Variants in ANKRD36C observed in about 807,000 individuals in gnomAD.
ANKRD36C encodes ankyrin repeat domain 36C, also known as ankyrin repeat domain-containing protein 36C.
In ANKRD36C, 61 loss-of-function variants were observed where a neutral mutation model predicts 276.4. The observed-to-expected ratio is 0.22, with a 90% confidence interval of 0.18 to 0.27. ANKRD36C has a LOEUF of 0.27. Among genes scored for constraint, ANKRD36C ranks in the 10% least tolerant of loss-of-function variants. The pLI is 1.00. For synonymous variants in ANKRD36C, 483 were observed against 680.1 expected (o/e 0.71, Z 4.51); for missense variants, 1,447 against 2,032.3 (o/e 0.71, Z 5.54).
intron 42 of ANKRD36C, 43 bp downstream of exon 53, chr2:95,903,010 C>A: frequency 6.4e-7 from 1 of 1,571,484 alleles, no homozygotes; most frequent in Admixed American, 1.8e-5. Flanking sequence ...GCTTCATAGA[C>A]TATACATTTA....
At chr2:95,872,243 C>G (rs1329071739) in intron 59 of ANKRD36C, among the ~76,000 whole-genome samples, 3 of 137,276 alleles carry the variant, frequency 2.2e-5, no homozygotes, top group East Asian at 5.0e-4. Flanking sequence ...CACACCTATT[C>G]CAAAATTGAC....
chr2:95,870,516 C>T (rs1298296294), intron 59 of ANKRD36C, among the ~76,000 whole-genome samples: 1 of 152,142 alleles, frequency 6.6e-6, no homozygotes, highest in African/African-American at 2.4e-5. Context: ...CCCATCTGTA[C>T]ATCACCATCA....
intron 13 of ANKRD36C, among the ~76,000 whole-genome samples, chr2:95,954,236 A>C (rs1457395656): frequency 1.3e-5 from 2 of 152,218 alleles, no homozygotes; most frequent in African/African-American, 4.8e-5. Context: ...AACCTATGAA[A>C]TATCCAATGC....
At chr2:95,954,332 CATA>C (rs574706368) in intron 13 of ANKRD36C, among the ~76,000 whole-genome samples, 119 of 152,136 alleles carry the variant, frequency 7.8e-4, no homozygotes, top group African/African-American at 2.7e-3. Context: ...AATTATCTAC[CATA>C]AAGGCTAAAC....
chr2:95,886,644 C>T (rs955615190), intron 50 of ANKRD36C, among the ~76,000 whole-genome samples: 2 of 151,666 alleles, frequency 1.3e-5, no homozygotes, highest in Admixed American at 6.6e-5. Flanking sequence ...ATGATTAAAC[C>T]ATTATACTGC....
intron 44 of ANKRD36C, among the ~76,000 whole-genome samples, chr2:95,892,505 T>C (rs560506813): frequency 1.8e-4 from 27 of 151,666 alleles, no homozygotes; most frequent in African/African-American, 6.3e-4. Context: ...CGAAAGTTTC[T>C]TCATCCAGTC....
At chr2:95,859,093 G>C (rs1439708306) in intron 61 of ANKRD36C, among the ~76,000 whole-genome samples, 1 of 151,658 alleles carries the variant, frequency 6.6e-6, no homozygotes. Flanking sequence ...GAGTGCACTG[G>C]TGCAATCTCT....
intron 34 of ANKRD36C, among the ~76,000 whole-genome samples, chr2:95,918,850 T>C (rs1677189200): frequency 1.3e-5 from 2 of 149,622 alleles, no homozygotes; most frequent in South Asian, 2.1e-4. Context: ...ATGACCATTT[T>C]AGGAGTTAAT....
chr2:95,945,716 A>G (rs1010684072), intron 17 of ANKRD36C, among the ~76,000 whole-genome samples: 2 of 152,280 alleles, frequency 1.3e-5, no homozygotes, highest in African/African-American at 4.8e-5. Context: ...AGACAGAACA[A>G]AGCAACCATC....
At chr2:95,928,189 AT>A (rs906111281) in intron 26 of ANKRD36C, among the ~76,000 whole-genome samples, 31 of 151,800 alleles carry the variant, frequency 2.0e-4, no homozygotes, top group African/African-American at 6.7e-4. Flanking sequence ...TTCATTGAAA[AT>A]CACCACTGTA....
chr2:95,962,626 C>A lies in ANKRD36C; in HGVS notation c.800-79G>T, dbSNP rs1043374914. 6 of 1,540,094 alleles carry A rather than the reference C, an allele frequency of 3.9e-6. No homozygotes were observed. The Admixed American group carries it at 1.1e-4, about 27-fold the overall frequency. On this transcript the variant is annotated intron_variant, in intron 6 of 66. Transcript: ENST00000456556. The stretch of plus-strand genomic sequence containing the variant: ...CCATACATTCATGCACTGTTACCAT[C>A]AAGCTGTATCCTCCTGCCCCTATTA...
chr2:95,929,821 G>A (rs1677517062), intron 24 of ANKRD36C, among the ~76,000 whole-genome samples: 1 of 151,364 alleles, frequency 6.6e-6, no homozygotes, highest in African/African-American at 2.4e-5. Context: ...GTGAATTCTA[G>A]TATGTAATAT....
chr2:95,921,434 G>A (rs1321202819), intron 34 of ANKRD36C, among the ~76,000 whole-genome samples, 173 bp downstream of exon 34: 2 of 151,528 alleles, frequency 1.3e-5, no homozygotes, highest in African/African-American at 2.4e-5. Context: ...TTCCAAGCCA[G>A]CAGCATTAGC....
At chr2:95,917,761 G>C (rs967600730) in intron 36 of ANKRD36C, 94 bp downstream of exon 38, 20 of 1,447,274 alleles carry the variant, frequency 1.4e-5, no homozygotes, top group Admixed American at 9.5e-5. Context: ...GCTTTGGCGA[G>C]CACCCCCAAC....
rs535892764 is a variant in ANKRD36C at position 95,943,470 on chromosome 2, C to T, written c.1491+1157G>A. 4.8e-5 allele frequency among the ~76,000 whole-genome samples: 7 copies of T among 146,112 alleles called. No homozygotes were observed. In the East Asian group the frequency reaches 1.0e-3, roughly 21 times the overall value. The stretch of plus-strand genomic sequence containing the variant: ...CTGCCCTCCAGCCTGGGAGACAGAG[C>T]GAGACTCCGTCTCAAAAAAAAAAAA... On this transcript the variant is annotated intron_variant, in intron 19 of 66. Transcript: ENST00000456556.
In ANKRD36C at chr2:95,882,265, G is replaced by C. The variant is rs575037095; in HGVS notation, c.3367+37C>G. The stretch of plus-strand genomic sequence containing the variant: ...GGGGTGGGACATTGTCTTCTATCTT[G>C]AGTGCACATGACATTAAATGTATAT... On this transcript the variant is annotated intron_variant, in intron 56 of 66. Coordinates refer to ENST00000456556, the Ensembl canonical transcript of ANKRD36C. 49 of 1,547,398 alleles carry C rather than the reference G, an allele frequency of 3.2e-5. No homozygotes were observed. In the South Asian group the frequency reaches 5.5e-4, roughly 17 times the overall value.
intron 22 of ANKRD36C, among the ~76,000 whole-genome samples, chr2:95,937,669 C>CTTTCG (rs1252526806): frequency 0.048 from 4,626 of 97,140 alleles, no homozygotes; most frequent in African/African-American, 0.079. Flanking sequence ...GATACTTTGG[C>CTTTCG]CATTTCTTCT....
rs1054465210 is a variant in ANKRD36C at position 95,910,359 on chromosome 2, G to T, written c.2653+1885C>A. Reference sequence around the variant, plus strand: ...CTGGACAGAACACGACATTAAATCTGTTTTCAAAATTACCTGTCCTAGATT... The same window carrying T: ...CTGGACAGAACACGACATTAAATCTTTTTTCAAAATTACCTGTCCTAGATT... On this transcript the variant is annotated intron_variant, in intron 42 of 66. Coordinates refer to ENST00000456556, the Ensembl canonical transcript of ANKRD36C. 70 of 1,532,312 alleles carry T rather than the reference G, an allele frequency of 4.6e-5. No homozygotes were observed. In the African/African-American group the frequency reaches 8.1e-4, roughly 18 times the overall value. 94.9% of individuals were successfully genotyped at this position (1,532,312 alleles called of 1,614,324 possible).
chr2:95,962,442 C>T lies in ANKRD36C; in HGVS notation c.829-18G>A. 1 of 1,581,730 alleles carries T rather than the reference C, an allele frequency of 6.3e-7. No homozygotes were observed. The highest frequency in any genetic ancestry group is 1.1e-5 in the South Asian group (1 of 88,164). On this transcript the variant is annotated intron_variant, in intron 7 of 66. Transcript: ENST00000456556. ...CTTGTAGCCTGAGTGGGATTTGAAA[C>T]AAAATAATCAATACGTAAAGTATTT...
Sources: gnomAD v4.1 joint callset for allele counts (sites outside exome capture counted in the v4.1 genomes callset) on GRCh38, gnomAD v4.1.1 for gene constraint, MANE v1.5 for transcripts, NCBI Gene and HGNC (gene_info 2026-07-23, HGNC 2026-07-21) for gene names.